C16orf96: variants seen among roughly 807,000 people sequenced by gnomAD.
The protein encoded by C16orf96 is uncharacterized protein C16orf96.
Under a neutral mutation model 103.6 loss-of-function variants are expected in C16orf96, and 108 were observed. The ratio of observed to expected loss-of-function variants is 1.04; its 90% confidence interval spans 0.89 to 1.22. The LOEUF (loss-of-function observed/expected upper bound fraction) is 1.22, where lower values mean the gene tolerates loss of function less well. C16orf96 is among the 50% of genes most tolerant of loss of function. The pLI, the probability that C16orf96 is intolerant of heterozygous loss-of-function variation, is 0.00. For missense variants in C16orf96, 1,586 were observed against 1,464.2 expected (o/e 1.08, Z -1.36); for synonymous variants, 566 against 593.5 (o/e 0.95, Z 0.67).
intron 15 of C16orf96, 88 bp downstream of exon 15, chr16:4,599,452 G>T: frequency 1.7e-6 from 2 of 1,179,956 alleles, no homozygotes; most frequent in South Asian, 1.3e-5. Context: ...CCCACACCCC[G>T]CCTGGGCTCT....
In C16orf96 at chr16:4,593,622, C is replaced by G. The variant is rs1435966682; in HGVS notation, c.2867+306C>G. On this transcript the variant is annotated intron_variant, in intron 12 of 15. Coordinates refer to ENST00000444310, the MANE Select transcript of C16orf96 (RefSeq NM_001145011.2). This position sits in a 1 kb window ranked among gnomAD's most constrained non-coding sequence, Gnocchi z 4.2. Reference sequence around the variant, plus strand: ...GAGCTAGGGTTCCTATGCCCATGTCCCTGTTTCTTGGCGGAGGGAATCGGT... The same window carrying G: ...GAGCTAGGGTTCCTATGCCCATGTCGCTGTTTCTTGGCGGAGGGAATCGGT... Among the ~76,000 whole-genome samples, 1 of 151,984 alleles carries G rather than the reference C, an allele frequency of 6.6e-6. No individual in the cohort carries two copies.
At position 4,578,949 on chromosome 16, in the gene C16orf96, G is replaced by A. The variant is rs1300992975; in HGVS notation, c.2165G>A (p.Gly722Glu). 9.7e-6 allele frequency: 15 copies of A among 1,551,330 alleles called. No individual in the cohort carries two copies. The highest frequency in any genetic ancestry group is 1.3e-5 in the Non-Finnish European group (15 of 1,146,878). ...TGTCCTCTGCTTTCAGCCAATATGG[G>A]AGGTCCTTCCAGCCTCGGGACAACA... ...NQRLSYLANM[G>E]GPSSLGTTVD... is the part of the protein sequence containing the mutation. Residue 722 changes from glycine (G) to glutamate (E), a missense_variant, in exon 6 of 16, where the codon GGA becomes GAA. Coordinates refer to ENST00000444310, the MANE Select transcript of C16orf96 (RefSeq NM_001145011.2).
At chr16:4,546,336 T>A in the C16orf96 span, among the ~76,000 whole-genome samples, 3 of 151,818 alleles carry the variant, frequency 2.0e-5, no homozygotes, top group Non-Finnish European at 4.4e-5. Flanking sequence ...TTTTTTGTGT[T>A]TTTAGTAGAG....
intron 14 of C16orf96, among the ~76,000 whole-genome samples, chr16:4,597,435 A>T (rs555180116): frequency 6.6e-6 from 1 of 152,116 alleles, no homozygotes; most frequent in East Asian, 1.9e-4. Flanking sequence ...TCCTGTCCCC[A>T]CTCATTCACT....
intron 3 of C16orf96, 39 bp downstream of exon 3, chr16:4,574,828 G>A (rs2059480637): frequency 6.5e-7 from 1 of 1,545,888 alleles, no homozygotes; most frequent in South Asian, 1.2e-5. Flanking sequence ...ACTCCCCCTG[G>A]GACCCCCCAA....
rs574254208 is a variant in C16orf96, at chr16:4,595,047, C to T, written c.3127+244C>T. On this transcript the variant is annotated intron_variant, in intron 14 of 15. Transcript: ENST00000444310. The stretch of plus-strand genomic sequence containing the variant: ...ATCAACAGCTGACCAGAGAGAGGGC[C>T]GTGGCCACAGGACCATGGCCTGTGA... Among the ~76,000 whole-genome samples the T allele has an allele frequency of 1.7e-4, 26 of 152,280 alleles. 1 individual carries two copies. Among genetic ancestry groups the T allele is most frequent in the Middle Eastern group, 3.4e-3 (1 of 294 alleles).
the C16orf96 span, among the ~76,000 whole-genome samples, chr16:4,549,308 A>G: frequency 6.6e-6 from 1 of 151,896 alleles, no homozygotes; most frequent in African/African-American, 2.4e-5. Context: ...CCCCGTCTCT[A>G]CTAAAAATAG....
Position 4,556,430 on chromosome 16 carries a change from AG to A in C16orf96, c.-59del. On this transcript the variant is annotated 5_prime_UTR_variant, in exon 1 of 16. Transcript: ENST00000444310. Reference sequence around the variant, plus strand: ...CCATGTAGCTCTCGGAACCACTGAAAGCTACCCCTTGTCCTTGAGGACACCT... The same window carrying A: ...CCATGTAGCTCTCGGAACCACTGAAACTACCCCTTGTCCTTGAGGACACCT... 7 of 1,459,556 alleles carry A rather than the reference AG, an allele frequency of 4.8e-6. No individual in the cohort carries two copies. Among genetic ancestry groups the A allele is most frequent in the Non-Finnish European group, 6.4e-6 (7 of 1,098,018 alleles). The allele number at this position is 1,459,556 out of a possible 1,614,324, so 90.4% of individuals were successfully genotyped here.
At chr16:4,592,110 A>G (rs1897072603) in intron 10 of C16orf96, among the ~76,000 whole-genome samples, 195 bp from the exon 11 acceptor site, 1 of 152,194 alleles carries the variant, frequency 6.6e-6, no homozygotes, top group Admixed American at 6.5e-5. Flanking sequence ...CCCCTCACAC[A>G]GCTTTAAAAA....
At chr16:4,590,596 T>C (rs1048058403) in intron 9 of C16orf96, among the ~76,000 whole-genome samples, 2 of 150,116 alleles carry the variant, frequency 1.3e-5, no homozygotes, top group African/African-American at 4.9e-5. Context: ...TAAAAGTAAA[T>C]AAATAAGGCC....
At chr16:4,546,974 G>T in the C16orf96 span, among the ~76,000 whole-genome samples, 2 of 126,552 alleles carry the variant, frequency 1.6e-5, no homozygotes, top group South Asian at 6.0e-4. Context: ...CCTTTTTGTG[G>T]AGAATAGGGT....
chr16:4,577,519 C>T (rs2059526893), intron 5 of C16orf96, among the ~76,000 whole-genome samples: 1 of 150,972 alleles, frequency 6.6e-6, no homozygotes, highest in African/African-American at 2.4e-5. Context: ...GGCATGGTGG[C>T]GGGCGCCTGT....
the C16orf96 span, among the ~76,000 whole-genome samples, chr16:4,546,189 G>A: frequency 5.0e-5 from 7 of 141,314 alleles, no homozygotes; most frequent in African/African-American, 1.6e-4. Flanking sequence ...GACGGAGTCT[G>A]GCTCTGTCAC....
At chr16:4,572,091 ACCCACCTCAGCCT>A (rs545048328) in intron 2 of C16orf96, among the ~76,000 whole-genome samples, 28 of 148,546 alleles carry the variant, frequency 1.9e-4, no homozygotes, top group Non-Finnish European at 3.1e-4. Flanking sequence ...CTCGTGATCC[ACCCACCTCAGCCT>A]CCCAAAGTGC....
chr16:4,583,374 C>T (rs1400888974), intron 7 of C16orf96, among the ~76,000 whole-genome samples: 1 of 151,920 alleles, frequency 6.6e-6, no homozygotes, highest in Non-Finnish European at 1.5e-5. Context: ...GATGTGGCAG[C>T]GTACGCCTAT....
upstream of C16orf96, among the ~76,000 whole-genome samples, chr16:4,554,289 C>T (rs1039164847): frequency 3.3e-5 from 5 of 152,062 alleles, no homozygotes; most frequent in Non-Finnish European, 7.4e-5. Context: ...GTGAGGGCAC[C>T]GTCACTTGGG....
the C16orf96 span, among the ~76,000 whole-genome samples, chr16:4,545,006 C>T: frequency 2.0e-5 from 3 of 152,280 alleles, no homozygotes; most frequent in Non-Finnish European, 2.9e-5. Flanking sequence ...CTATAGTACA[C>T]GAATATGCAT....
At chr16:4,591,977 C>G (rs1220964826) in intron 10 of C16orf96, among the ~76,000 whole-genome samples, 193 bp downstream of exon 10, 2 of 152,160 alleles carry the variant, frequency 1.3e-5, no homozygotes, top group Non-Finnish European at 2.9e-5. Flanking sequence ...CTATTCCTGC[C>G]AATGGGGAAA....
At chr16:4,564,765 C>T (rs1314721019) in intron 1 of C16orf96, among the ~76,000 whole-genome samples, 2 of 152,102 alleles carry the variant, frequency 1.3e-5, no homozygotes, top group South Asian at 2.1e-4. Flanking sequence ...GAACCGAGAT[C>T]GCGCCGCTGC....
Sources: gnomAD v4.1 joint callset for allele counts (sites outside exome capture counted in the v4.1 genomes callset) on GRCh38, gnomAD v4.1.1 for gene constraint, Gnocchi (gnomAD v3.1) non-coding constraint, MANE v1.5 for transcripts, NCBI Gene and HGNC (gene_info 2026-07-23, HGNC 2026-07-21) for gene names.